The following SLC38A4 variants were observed in gnomAD, a reference collection of about 807,000 sequenced individuals.
The protein encoded by SLC38A4 is solute carrier family 38 member 4, also known as sodium-coupled neutral amino acid transporter 4.
A neutral mutation model predicts 63.1 loss-of-function variants in SLC38A4; 20 were observed. That is an observed-to-expected ratio of 0.32 (90% CI 0.22 to 0.46). The LOEUF (loss-of-function observed/expected upper bound fraction) is 0.46. Ranked by LOEUF, SLC38A4 falls within the 20% of genes least tolerant of loss-of-function variation. The pLI is 1.00. For synonymous variants in SLC38A4, 230 were observed against 225.5 expected, an observed-to-expected ratio of 1.02 and a Z score of -0.18; for missense variants, 526 against 663.6, an observed-to-expected ratio of 0.79 and a Z score of 2.28.
Position 46,769,327 on chromosome 12 carries a change from C to A in SLC38A4, c.1401G>T (p.Leu467=), listed in dbSNP as rs144172905. The A allele has an allele frequency of 1.1e-5, 18 of 1,613,198 alleles. No homozygotes were observed. In the African/African-American group the frequency reaches 2.1e-4, roughly 19 times the overall value. The part of the protein sequence containing the change: ...AAVLIALNNV[L]VILVPTIKYI... ...ATTTTATAGTTGGCACAAGGATGAC[C>A]AGAACATTATTAAGTGCAATAAGCA... Residue 467 remains leucine, a synonymous_variant, in exon 15 of 17, where the codon CTG becomes CTT. Transcript: ENST00000266579.
At chr12:46,769,222 T>C in intron 15 of SLC38A4, 62 bp downstream of exon 15, 1 of 1,580,868 alleles carries the variant, frequency 6.3e-7, no homozygotes, top group Non-Finnish European at 8.7e-7. Flanking sequence ...ACTGGTTCCC[T>C]GTCCATCATT....
Position 46,792,961 on chromosome 12 carries a change from T to G in SLC38A4, c.111A>C (p.Ala37=), listed in dbSNP as rs752438482. The G allele has an allele frequency of 6.2e-7, 1 of 1,612,166 alleles. No individual in the cohort carries two copies. The highest frequency in any genetic ancestry group is 1.7e-5 in the Admixed American group (1 of 59,994). The change falls in exon 3 of 17, where the codon GCA becomes GCC. Residue 37 remains alanine, a synonymous_variant. Transcript: ENST00000266579. ...AATTTTTAACCCCATACCTGCTCAT[T>G]GCTGCCTTTTCTGAATTTCCTATCC... ...YIGIGNSEKA[A]MSSQFANEDT...
intron 16 of SLC38A4, among the ~76,000 whole-genome samples, chr12:46,767,228 A>G (rs1350551107): frequency 2.2e-5 from 2 of 92,016 alleles, no homozygotes; most frequent in Non-Finnish European, 5.5e-5. Flanking sequence ...TTGCAACAAA[A>G]AGTGTATATA....
At chr12:46,773,405 GGTGA>G (rs1938459576) in intron 14 of SLC38A4, among the ~76,000 whole-genome samples, 1 of 152,042 alleles carries the variant, frequency 6.6e-6, no homozygotes, top group African/African-American at 2.4e-5. Flanking sequence ...ACATTGCAAG[GGTGA>G]GGACAGGATA....
At chr12:46,797,537 T>C (rs1939039360) in intron 2 of SLC38A4, among the ~76,000 whole-genome samples, 1 of 152,166 alleles carries the variant, frequency 6.6e-6, no homozygotes, top group South Asian at 2.1e-4. Context: ...TACCACCAGC[T>C]TTCCTGGTTC....
rs1456480678 is a variant in SLC38A4 at position 46,782,028 on chromosome 12, C to A, written c.494-1998G>T. On this transcript the variant is annotated intron_variant, in intron 7 of 16. Coordinates refer to ENST00000266579, the MANE Select transcript of SLC38A4 (RefSeq NM_018018.5). ...CTCCAAACCAGTAAAATGAATGAGA[C>A]AATTTTGATATTACTGTCAAATTCT... Among the ~76,000 whole-genome samples the A allele has an allele frequency of 4.6e-5, 7 of 151,970 alleles. No homozygotes were observed. In the East Asian group the frequency reaches 1.4e-3, roughly 29 times the overall value.
chr12:46,796,679 G>A (rs112995302), intron 2 of SLC38A4, among the ~76,000 whole-genome samples: 1 of 152,234 alleles, frequency 6.6e-6, no homozygotes, highest in African/African-American at 2.4e-5. Flanking sequence ...CTTCTTTTTG[G>A]TAGAGCTTCC....
intron 10 of SLC38A4, among the ~76,000 whole-genome samples, chr12:46,779,214 A>G (rs1339905572): frequency 6.6e-6 from 1 of 151,872 alleles, no homozygotes; most frequent in Non-Finnish European, 1.5e-5. Context: ...CTTTAATCCC[A>G]CTGTTCTTGT....
At chr12:46,789,932 G>A (rs1049938830) in intron 3 of SLC38A4, among the ~76,000 whole-genome samples, 1 of 152,012 alleles carries the variant, frequency 6.6e-6, no homozygotes, top group Admixed American at 6.6e-5. Context: ...CAAAAAGTTA[G>A]CCGAGTGTGG....
intron 14 of SLC38A4, among the ~76,000 whole-genome samples, chr12:46,771,145 T>C (rs1051819077): frequency 1.3e-5 from 2 of 152,170 alleles, no homozygotes; most frequent in Non-Finnish European, 2.9e-5. Context: ...AAAAGGAAAC[T>C]GAGGAAAGCA....
At chr12:46,830,045 T>A (rs1238680659), upstream of SLC38A4, among the ~76,000 whole-genome samples, 1 of 151,120 alleles carries the variant, frequency 6.6e-6, no homozygotes, top group Non-Finnish European at 1.5e-5. Context: ...CAGACCAGCC[T>A]CCAGCTTGCC....
chr12:46,828,843 G>A (rs1164868976), upstream of SLC38A4, among the ~76,000 whole-genome samples: 4 of 152,096 alleles, frequency 2.6e-5, no homozygotes, highest in Admixed American at 1.3e-4. Flanking sequence ...AGTGAAATTA[G>A]GTCATTATAT....
chr12:46,767,318 T>C (rs140653775), intron 16 of SLC38A4, among the ~76,000 whole-genome samples: 12 of 152,094 alleles, frequency 7.9e-5, no homozygotes, highest in African/African-American at 2.9e-4. Flanking sequence ...TATAAAATAC[T>C]TCAGCATTTT....
At chr12:46,816,567 G>A (rs1283973019) in intron 1 of SLC38A4, among the ~76,000 whole-genome samples, 1 of 151,848 alleles carries the variant, frequency 6.6e-6, no homozygotes, top group East Asian at 1.9e-4. Flanking sequence ...AATACGGGCA[G>A]CTGATTAGGC....
chr12:46,813,706 C>A (rs532355026), intron 1 of SLC38A4, among the ~76,000 whole-genome samples: 3 of 152,100 alleles, frequency 2.0e-5, no homozygotes, highest in Admixed American at 6.6e-5. Flanking sequence ...AGCTCCACTG[C>A]CTAGACTTAA....
At chr12:46,787,450 G>T (rs541371879) in intron 5 of SLC38A4, among the ~76,000 whole-genome samples, 3 of 152,228 alleles carry the variant, frequency 2.0e-5, no homozygotes, top group Admixed American at 6.5e-5. Context: ...AGAGAAGAGG[G>T]TTCCAAGACC....
chr12:46,823,685 T>A (rs1459192039), intron 1 of SLC38A4, among the ~76,000 whole-genome samples: 3 of 152,244 alleles, frequency 2.0e-5, no homozygotes, highest in Non-Finnish European at 4.4e-5. Context: ...AATGTGAAAT[T>A]CCGAAACCTC....
chr12:46,788,544 T>G lies in SLC38A4; in HGVS notation c.194A>C (p.Asp65Ala). ...TTCACTTACGTGTTCATCAGCATAA[T>G]CTGCCAGCTTCTTTTTCCCCAAAAA... ...NGFLGKKKLA[D>A]YADEHHPGTT... Residue 65 changes from aspartate to alanine, a missense_variant, in exon 4 of 17, where the codon GAT becomes GCT. Physicochemically the swap from Asp to Ala is moderately radical, Grantham distance 126. Transcript: ENST00000266579. 1 of 1,613,562 alleles carries G rather than the reference T, an allele frequency of 6.2e-7. No individual in the cohort carries two copies. Among genetic ancestry groups the G allele is most frequent in the East Asian group, 2.2e-5 (1 of 44,848 alleles).
At chr12:46,773,103 C>T (rs886715167) in intron 14 of SLC38A4, among the ~76,000 whole-genome samples, 1 of 152,116 alleles carries the variant, frequency 6.6e-6, no homozygotes, top group Non-Finnish European at 1.5e-5. Flanking sequence ...TGACCACTCT[C>T]TGTCACCTTC....
Sources: gnomAD v4.1 joint callset for allele counts (sites outside exome capture counted in the v4.1 genomes callset) on GRCh38, gnomAD v4.1.1 for gene constraint, MANE v1.5 for transcripts, NCBI Gene and HGNC (gene_info 2026-07-23, HGNC 2026-07-21) for gene names.